NKAIN3: variants seen among roughly 807,000 people sequenced by gnomAD.
The protein encoded by NKAIN3 is sodium/potassium-transporting ATPase subunit beta-1-interacting protein 3.
In NKAIN3, 25 loss-of-function variants were observed where a neutral mutation model predicts 30.2. The observed-to-expected ratio is 0.83, with a 90% confidence interval of 0.60 to 1.16. The LOEUF (loss-of-function observed/expected upper bound fraction) is 1.16, where lower values mean the gene tolerates loss of function less well. NKAIN3 is among the 50% of genes most tolerant of loss of function. The pLI, the probability that NKAIN3 is intolerant of heterozygous loss-of-function variation, is 0.00. For missense variants in NKAIN3, 225 were observed against 254.1 expected, an observed-to-expected ratio of 0.89 and a Z score of 0.78; for synonymous variants, 91 against 89.6, an observed-to-expected ratio of 1.02 and a Z score of -0.09.
At chr8:62,957,911 C>G (rs181650137) in intron 6 of NKAIN3, among the ~76,000 whole-genome samples, 1 of 151,420 alleles carries the variant, frequency 6.6e-6, no homozygotes, top group Admixed American at 6.6e-5. Flanking sequence ...ATGTAACACA[C>G]TGGTAGGGAA....
At chr8:62,307,751 T>G (rs1421121545) in intron 1 of NKAIN3, among the ~76,000 whole-genome samples, 1 of 150,774 alleles carries the variant, frequency 6.6e-6, no homozygotes, top group African/African-American at 2.5e-5. Flanking sequence ...AAGCGCAACA[T>G]GAGAAATATT....
intron 3 of NKAIN3, among the ~76,000 whole-genome samples, chr8:62,732,896 G>A (rs1391020630): frequency 6.6e-6 from 1 of 151,978 alleles, no homozygotes; most frequent in Non-Finnish European, 1.5e-5. Flanking sequence ...ACACATAGCT[G>A]AAATTTTTAG....
chr8:62,765,807 AT>A (rs144817351), intron 4 of NKAIN3, among the ~76,000 whole-genome samples: 1,551 of 152,160 alleles, frequency 0.01, 25 homozygotes, highest in African/African-American at 0.034. Flanking sequence ...CTATAAATGA[AT>A]TTTTTTCATC....
chr8:62,794,143 C>G (rs929413039), intron 4 of NKAIN3, among the ~76,000 whole-genome samples: 1 of 152,150 alleles, frequency 6.6e-6, no homozygotes, highest in African/African-American at 2.4e-5. Flanking sequence ...ACTGCTTTTG[C>G]CTTCTGTTTG....
chr8:62,913,851 T>C (rs1485954564), intron 4 of NKAIN3, among the ~76,000 whole-genome samples: 1 of 152,198 alleles, frequency 6.6e-6, no homozygotes, highest in Non-Finnish European at 1.5e-5. Flanking sequence ...CTGTTTGAAA[T>C]GTGCTATTTA....
chr8:62,384,359 G>A (rs899676106), intron 1 of NKAIN3, among the ~76,000 whole-genome samples: 2 of 152,042 alleles, frequency 1.3e-5, no homozygotes, highest in African/African-American at 4.8e-5. Context: ...TTTGAATGAT[G>A]CCATCTATGG....
chr8:62,860,299 C>T (rs1820200638), intron 4 of NKAIN3, among the ~76,000 whole-genome samples: 1 of 152,230 alleles, frequency 6.6e-6, no homozygotes, highest in Non-Finnish European at 1.5e-5. Context: ...AATCTCACCT[C>T]TGTCATTTTC....
At chr8:62,839,460 C>T (rs1819467698) in intron 4 of NKAIN3, among the ~76,000 whole-genome samples, 1 of 151,914 alleles carries the variant, frequency 6.6e-6, no homozygotes, top group African/African-American at 2.4e-5. Flanking sequence ...ATTATTTTAG[C>T]TTTTTGAAAT....
At chr8:62,614,409 A>C (rs1328350707) in intron 3 of NKAIN3, among the ~76,000 whole-genome samples, 1 of 152,076 alleles carries the variant, frequency 6.6e-6, no homozygotes, top group Non-Finnish European at 1.5e-5. Context: ...TGGCACAAGC[A>C]CCCCTGTGGC....
chr8:62,472,673 C>A (rs963560512), intron 1 of NKAIN3, among the ~76,000 whole-genome samples: 7 of 152,142 alleles, frequency 4.6e-5, no homozygotes, highest in African/African-American at 1.7e-4. Context: ...TCAGTGGGAT[C>A]CAGGGAAGAA....
intron 1 of NKAIN3, among the ~76,000 whole-genome samples, chr8:62,413,960 A>G (rs1237679008): frequency 6.6e-6 from 1 of 152,160 alleles, no homozygotes; most frequent in Non-Finnish European, 1.5e-5. Flanking sequence ...GAACTTATTT[A>G]TACTATTAGA....
chr8:62,263,591 T>A (rs2129390349), intron 1 of NKAIN3, among the ~76,000 whole-genome samples: 1 of 152,292 alleles, frequency 6.6e-6, no homozygotes, highest in East Asian at 1.9e-4. Flanking sequence ...ACAGGACTAG[T>A]ATTCTAGGAC....
chr8:62,510,273 C>A (rs1807779106), intron 1 of NKAIN3, among the ~76,000 whole-genome samples: 1 of 152,048 alleles, frequency 6.6e-6, no homozygotes, highest in Non-Finnish European at 1.5e-5. Context: ...ATAAACGCTA[C>A]CAAACTAGCT....
intron 1 of NKAIN3, among the ~76,000 whole-genome samples, chr8:62,444,798 T>C (rs1033216531): frequency 2.6e-5 from 4 of 152,204 alleles, no homozygotes; most frequent in Non-Finnish European, 5.9e-5. Context: ...TTTTCCTTAG[T>C]GGCTGTACTA....
chr8:62,764,640 T>C (rs1387407912), intron 4 of NKAIN3, among the ~76,000 whole-genome samples: 7 of 152,148 alleles, frequency 4.6e-5, no homozygotes, highest in Admixed American at 2.6e-4. Context: ...AGTATTTTCA[T>C]TTTTTGTAGA....
intron 1 of NKAIN3, chr8:62,482,104 T>C (rs1806740656): frequency 6.6e-6 from 1 of 152,260 alleles, no homozygotes; most frequent in Non-Finnish European, 1.5e-5. Flanking sequence ...ATACTTTCCA[T>C]TCCTACACAT....
At chr8:62,589,832 A>G (rs1327150780) in intron 3 of NKAIN3, 38 bp downstream of exon 3, 1 of 1,065,920 alleles carries the variant, frequency 9.4e-7, no homozygotes, top group East Asian at 2.4e-5. Flanking sequence ...CTTTAAAATG[A>G]GTACACTTCT....
intron 4 of NKAIN3, among the ~76,000 whole-genome samples, chr8:62,913,445 C>T (rs965261028): frequency 6.6e-5 from 10 of 152,096 alleles, no homozygotes; most frequent in Admixed American, 1.3e-4. Context: ...TCATCACTGA[C>T]GGAAATGCTG....
At chr8:62,997,494 A>G (rs920724095) in intron 5 of NKAIN3, among the ~76,000 whole-genome samples, 1 of 152,310 alleles carries the variant, frequency 6.6e-6, no homozygotes, top group South Asian at 2.1e-4. Flanking sequence ...AGAAAAACAA[A>G]TTAAGAGGAT....
Sources: allele counts gnomAD v4.1 joint callset (sites outside exome capture counted in the v4.1 genomes callset), GRCh38; gene constraint gnomAD v4.1.1; transcripts MANE v1.5; gene names NCBI Gene and HGNC (gene_info 2026-07-23, HGNC 2026-07-21).